Variants in H2BC18 observed in about 807,000 individuals in gnomAD.
H2BC18 encodes H2B clustered histone 18.
H2BC18 carries 8 observed loss-of-function variants against 6.3 expected under a neutral mutation model. The observed-to-expected ratio is 1.28, with a 90% CI of 0.75 to 2.31. The LOEUF is 2.31. Among genes scored for constraint, H2BC18 ranks in the 30% most tolerant of loss-of-function variants. The probability of loss-of-function intolerance (pLI) is 0.00; values close to 1 mark genes in which losing one functional copy is unlikely to be tolerated. For missense variants in H2BC18, 106 were observed against 174.5 expected (o/e 0.61, Z 2.21); for synonymous variants, 104 against 78.1 (o/e 1.33, Z -1.75).
At position 149,812,064 on chromosome 1, in the gene H2BC18, C is replaced by T; in HGVS notation, c.260G>A (p.Arg87His). ...GATCTCGCGGGATGTGATGGTGGAG[C>T]GCTTGTTGTAGTGCGCCAGGCGGGA... ...EASRLAHYNK[R>H]STITSREIQT... The change falls in exon 1 of 1, where the codon CGC (arginine) becomes CAC (histidine). Residue 87 changes from arginine (R) to histidine (H), a missense_variant. Arg to His is a conservative substitution (Grantham distance 29). Coordinates refer to ENST00000369167, the MANE Select transcript of H2BC18 (RefSeq NM_001024599.5). 2 of 1,614,238 alleles carry T rather than the reference C, an allele frequency of 1.2e-6. No homozygotes were observed. The highest frequency in any genetic ancestry group is 1.7e-6 in the Non-Finnish European group (2 of 1,180,040).
intron 1 of H2BC18, chr1:149,785,945 T>G (rs1401467250): frequency 2.6e-5 from 4 of 152,158 alleles, no homozygotes; most frequent in Non-Finnish European, 4.4e-5. Flanking sequence ...AACATTATGA[T>G]TGTGAACTGT....
Position 149,790,396 on chromosome 1 carries a change from T to A in H2BC18, c.378-7136A>T, listed in dbSNP as rs1464777352. On this transcript the variant is annotated intron_variant, in intron 1 of 1. Transcript: ENST00000545683. ...GAAGAAGGGACTCCCTTATCTCCCATGGGACTGAGGTTTGTTCAAGGGTTT... is the reference window on the plus strand; with the variant it reads ...GAAGAAGGGACTCCCTTATCTCCCAAGGGACTGAGGTTTGTTCAAGGGTTT... The A allele has an allele frequency of 6.4e-6, 10 of 1,551,440 alleles. No individual in the cohort carries two copies. In the Middle Eastern group the frequency reaches 6.8e-4, roughly 106 times the overall value.
intron 1 of H2BC18, chr1:149,785,896 G>A (rs1458041457): frequency 6.6e-6 from 1 of 151,962 alleles, no homozygotes; most frequent in Non-Finnish European, 1.5e-5. Flanking sequence ...CTACGGTATG[G>A]GACAGGATGT....
intron 1 of H2BC18, chr1:149,792,777 C>T (rs1553752200): frequency 1.6e-6 from 2 of 1,278,522 alleles, no homozygotes; most frequent in South Asian, 2.5e-5. Flanking sequence ...TTCCTGGAGG[C>T]TGCAGGAGCG....
rs2091981395 is a variant in H2BC18, at chr1:149,811,953, C to G, written c.371G>C (p.Ser124Thr). 1 of 1,613,364 alleles carries G rather than the reference C, an allele frequency of 6.2e-7. No individual in the cohort carries two copies. Among genetic ancestry groups the G allele is most frequent in the Non-Finnish European group, 8.5e-7 (1 of 1,179,614 alleles). ...GTCCCTTGCACACTCTTACTTCGAGCTGGTGTACTTGGTGACCGCCTTGGT... is the reference window on the plus strand; with the variant it reads ...GTCCCTTGCACACTCTTACTTCGAGGTGGTGTACTTGGTGACCGCCTTGGT... ...EGTKAVTKYTSSK is the reference protein window; with the variant it reads ...EGTKAVTKYTTSK The change falls in exon 1 of 1, where the codon AGC becomes ACC. Residue 124 changes from serine (S) to threonine (T), a missense_variant. By Grantham distance (58) the Ser-to-Thr change is moderately conservative. This residue lies in a region of H2BC18 where 1 missense variants were observed against 37.7 expected (regional missense o/e 0.03). Transcript: ENST00000369167.
intron 1 of H2BC18, chr1:149,788,521 A>T (rs782277716): frequency 6.2e-7 from 1 of 1,613,740 alleles, no homozygotes; most frequent in Non-Finnish European, 8.5e-7. Context: ...TAACCTCACC[A>T]TTCTGAAAAC....
At chr1:149,798,411 C>T (rs1364079304) in intron 1 of H2BC18, among the ~76,000 whole-genome samples, 1 of 151,968 alleles carries the variant, frequency 6.6e-6, no homozygotes, top group Non-Finnish European at 1.5e-5. Flanking sequence ...TTCTCCATAT[C>T]CTCAGTAAGT....
In H2BC18 at chr1:149,798,490, T is replaced by C. The variant is rs1165616281; in HGVS notation, c.377+13457A>G. 2.0e-5 allele frequency among the ~76,000 whole-genome samples: 3 copies of C among 152,110 alleles called. No homozygotes were observed. In the East Asian group the frequency reaches 5.8e-4, roughly 29 times the overall value. ...ACTTATCACTGTGATTGTTGACTTATATGCACATATGTGTATGTATCCTTG... is the reference window on the plus strand; with the variant it reads ...ACTTATCACTGTGATTGTTGACTTACATGCACATATGTGTATGTATCCTTG... On this transcript the variant is annotated intron_variant, in intron 1 of 1. Transcript: ENST00000545683.
chr1:149,802,710 C>T (rs2664712), intron 1 of H2BC18, among the ~76,000 whole-genome samples: 4 of 152,218 alleles, frequency 2.6e-5, no homozygotes, highest in African/African-American at 9.6e-5. Flanking sequence ...GGGAAGCCCA[C>T]AGTGCAGCCT....
chr1:149,790,096 C>A (rs1431280798), intron 1 of H2BC18: 1 of 1,613,738 alleles, frequency 6.2e-7, no homozygotes, highest in African/African-American at 1.3e-5. Context: ...GTGACATCCC[C>A]ACTCCTGGAG....
intron 1 of H2BC18, chr1:149,784,077 T>C: frequency 6.2e-7 from 1 of 1,611,542 alleles, no homozygotes; most frequent in East Asian, 2.2e-5. Context: ...AACCTTGCAC[T>C]GTGAGGTGCT....
Position 149,791,413 on chromosome 1 carries a change from C to T in H2BC18, c.378-8153G>A, listed in dbSNP as rs782053090. The stretch of plus-strand genomic sequence containing the variant: ...TCATGAGAAGAAGGTAATTTCCAGC[C>T]TTCAAGAAGACAGACATTTAGAAGA... On this transcript the variant is annotated intron_variant, in intron 1 of 1. Coordinates refer to the H2BC18 transcript ENST00000545683. 7 of 1,602,060 alleles carry T rather than the reference C, an allele frequency of 4.4e-6. No individual in the cohort carries two copies. The highest frequency in any genetic ancestry group is 5.1e-6 in the Non-Finnish European group (6 of 1,176,430).
downstream of H2BC18, among the ~76,000 whole-genome samples, chr1:149,809,841 A>G (rs587666088): frequency 2.0e-5 from 3 of 150,922 alleles, no homozygotes; most frequent in South Asian, 6.2e-4. Flanking sequence ...AAAAGCTTCA[A>G]GTAGTCCAGA....
rs782084416 is a variant in H2BC18, at chr1:149,812,070, T to C, written c.254A>G (p.Asn85Ser). 5 of 1,614,228 alleles carry C rather than the reference T, an allele frequency of 3.1e-6. No individual in the cohort carries two copies. The South Asian group carries it at 4.4e-5, about 14-fold the overall frequency. The change falls in exon 1 of 1, where the codon AAC becomes AGC. Residue 85 changes from asparagine to serine, a missense_variant. Asn to Ser is a conservative substitution (Grantham distance 46). This residue lies in a region of H2BC18 where 35 missense variants were observed against 72.3 expected (regional missense o/e 0.48). Transcript: ENST00000369167. ...GCGGGATGTGATGGTGGAGCGCTTG[T>C]TGTAGTGCGCCAGGCGGGACGCCTC... ...AGEASRLAHY[N>S]KRSTITSREI...
intron 1 of H2BC18, chr1:149,788,759 G>C: frequency 1.2e-6 from 1 of 869,390 alleles, no homozygotes; most frequent in Non-Finnish European, 1.8e-6. Context: ...GCCACACCAT[G>C]ACCAGTAGCT....
chr1:149,811,522 C>T (rs1418819622), downstream of H2BC18: 1 of 202,292 alleles, frequency 4.9e-6, no homozygotes, highest in South Asian at 7.2e-5. Flanking sequence ...GAGGTCGGAC[C>T]GAGGGTTTCT....
At chr1:149,786,502 G>A (rs1272534509) in intron 1 of H2BC18, 2 of 152,136 alleles carry the variant, frequency 1.3e-5, no homozygotes, top group Non-Finnish European at 2.9e-5. Flanking sequence ...AAAATGTTTT[G>A]CCACAGTCAG....
At chr1:149,808,750 C>T (rs1265823598), downstream of H2BC18, among the ~76,000 whole-genome samples, 4 of 152,042 alleles carry the variant, frequency 2.6e-5, no homozygotes, top group African/African-American at 9.7e-5. Flanking sequence ...ATATGATCTG[C>T]TATAGTTCAG....
At chr1:149,792,720 T>G (rs626556) in intron 1 of H2BC18, 9 of 1,283,334 alleles carry the variant, frequency 7.0e-6, no homozygotes, top group African/African-American at 6.2e-5. Context: ...CGCGCGCTTC[T>G]CCGCAGCTCC....
Sources: allele counts gnomAD v4.1 joint callset (sites outside exome capture counted in the v4.1 genomes callset), GRCh38; gene constraint gnomAD v4.1.1; regional missense constraint gnomAD v4.1.1; transcripts MANE v1.5; gene names NCBI Gene and HGNC (gene_info 2026-07-23, HGNC 2026-07-21).